Variants in WDPCP observed in about 807,000 individuals in gnomAD.
WDPCP encodes WD repeat containing planar cell polarity effector.
A neutral mutation model predicts 93.1 loss-of-function variants in WDPCP; 71 were observed. The observed-to-expected ratio is 0.76, with a 90% CI of 0.63 to 0.93. The LOEUF (loss-of-function observed/expected upper bound fraction) is 0.93, where lower values mean the gene tolerates loss of function less well. Ranked by LOEUF, WDPCP falls within the 40% of genes least tolerant of loss-of-function variation. WDPCP has a pLI of 0.00. For synonymous variants in WDPCP, 315 were observed against 315.0 expected (o/e 1.00, Z 0.00); for missense variants, 844 against 887.4 (o/e 0.95, Z 0.62).
At chr2:63,188,673 T>G (rs1674816751) in intron 14 of WDPCP, among the ~76,000 whole-genome samples, 1 of 152,102 alleles carries the variant, frequency 6.6e-6, no homozygotes, top group African/African-American at 2.4e-5. Context: ...GTTGATATTC[T>G]TATTTTGTTC....
intron 2 of WDPCP, among the ~76,000 whole-genome samples, chr2:63,779,572 C>A (rs1670357275): frequency 6.6e-6 from 1 of 152,096 alleles, no homozygotes; most frequent in Admixed American, 6.6e-5. Context: ...GCTGTTCAAC[C>A]CTCTTTGGTG....
intron 2 of WDPCP, among the ~76,000 whole-genome samples, chr2:63,735,079 A>G (rs78015973): frequency 4.6e-4 from 70 of 152,342 alleles, no homozygotes; most frequent in Non-Finnish European, 8.4e-4. Flanking sequence ...TGTGCCAGGT[A>G]TCTTGAGGGC....
At position 63,496,460 on chromosome 2, in the gene WDPCP, C is replaced by A. The variant is rs904043634; in HGVS notation, c.76-3520G>T. ...CTAAGTTTGAAAGTCCTAAATTAAT[C>A]AAAAATTACAGTGTTTCAAGGAGAA... On this transcript the variant is annotated intron_variant, in intron 1 of 17. Transcript: ENST00000272321. 5.3e-5 allele frequency among the ~76,000 whole-genome samples: 8 copies of A among 152,114 alleles called. No individual in the cohort carries two copies. In the East Asian group the frequency reaches 7.7e-4, roughly 15 times the overall value.
intron 3 of WDPCP, among the ~76,000 whole-genome samples, chr2:63,606,522 C>A (rs1709532990): frequency 6.6e-6 from 1 of 152,182 alleles, no homozygotes; most frequent in Non-Finnish European, 1.5e-5. Context: ...AAGGAAGATT[C>A]AGCTCTTCCC....
intron 1 of WDPCP, among the ~76,000 whole-genome samples, chr2:63,534,414 GAAT>G (rs1489328664): frequency 5.5e-4 from 4 of 7,296 alleles, no homozygotes; most frequent in Admixed American, 2.0e-3. Context: ...CAAAAAAAGA[GAAT>G]TTTAGATCAA....
intron 17 of WDPCP, among the ~76,000 whole-genome samples, chr2:63,141,945 A>G (rs1199437903): frequency 6.6e-6 from 1 of 152,098 alleles, no homozygotes; most frequent in African/African-American, 2.4e-5. Flanking sequence ...GTAGACTTGA[A>G]TGATCTTTTG....
At chr2:63,273,714 T>G (rs1277771350) in intron 13 of WDPCP, among the ~76,000 whole-genome samples, 1 of 151,700 alleles carries the variant, frequency 6.6e-6, no homozygotes, top group Non-Finnish European at 1.5e-5. Context: ...AATAAAAAAC[T>G]AAAAAGAGAC....
At chr2:63,340,312 C>A (rs1324737437) in intron 12 of WDPCP, among the ~76,000 whole-genome samples, 1 of 152,106 alleles carries the variant, frequency 6.6e-6, no homozygotes, top group African/African-American at 2.4e-5. Flanking sequence ...TGAAGGCTGG[C>A]AAGGAGTTCC....
intron 2 of WDPCP, among the ~76,000 whole-genome samples, chr2:63,801,842 G>A (rs893961646): frequency 4.6e-5 from 7 of 152,152 alleles, no homozygotes; most frequent in Admixed American, 2.0e-4. Context: ...CAAAGCAAGC[G>A]ATCCAAGAGA....
chr2:63,831,077 T>A (rs903770252), upstream of WDPCP, among the ~76,000 whole-genome samples: 8 of 152,270 alleles, frequency 5.3e-5, no homozygotes, highest in East Asian at 1.5e-3. Flanking sequence ...TGGTTAACTG[T>A]TCCCCTTGAC....
At chr2:63,642,096 T>G (rs895237922) in intron 3 of WDPCP, among the ~76,000 whole-genome samples, 1 of 152,150 alleles carries the variant, frequency 6.6e-6, no homozygotes, top group South Asian at 2.1e-4. Context: ...TGAGTTCATA[T>G]GGGGATTTGT....
intron 9 of WDPCP, among the ~76,000 whole-genome samples, chr2:63,405,532 A>AGTGTGCGTGTGT (rs1318629602): frequency 8.0e-6 from 1 of 124,928 alleles, no homozygotes; most frequent in African/African-American, 3.2e-5. Context: ...ATTTTGGTAT[A>AGTGTGCGTGTGT]GTGTGTGTGT....
intron 2 of WDPCP, among the ~76,000 whole-genome samples, chr2:63,722,771 C>T (rs1332265750): frequency 6.6e-6 from 1 of 152,050 alleles, no homozygotes; most frequent in South Asian, 2.1e-4. Context: ...CCAGCCGCCC[C>T]GTCTGGGAGG....
At chr2:63,321,933 A>G (rs1032470061) in intron 12 of WDPCP, among the ~76,000 whole-genome samples, 2 of 152,246 alleles carry the variant, frequency 1.3e-5, no homozygotes, top group East Asian at 1.9e-4. Flanking sequence ...TATTGACACA[A>G]AAAAAGCTGT....
At chr2:63,627,752 C>T (rs1238115296) in intron 3 of WDPCP, among the ~76,000 whole-genome samples, 1 of 152,188 alleles carries the variant, frequency 6.6e-6, no homozygotes, top group African/African-American at 2.4e-5. Context: ...AGCTGAGCAC[C>T]ACTTCCATCG....
chr2:63,523,834 C>T (rs1324122675), intron 1 of WDPCP, among the ~76,000 whole-genome samples: 1 of 152,142 alleles, frequency 6.6e-6, no homozygotes, highest in Non-Finnish European at 1.5e-5. Flanking sequence ...TTGCTTGAAC[C>T]CAGGAGGTGG....
chr2:63,540,412 A>G (rs1704618149), intron 1 of WDPCP, among the ~76,000 whole-genome samples: 1 of 152,198 alleles, frequency 6.6e-6, no homozygotes, highest in South Asian at 2.1e-4. Context: ...GCTTGTTGGT[A>G]TAAAGACCTC....
upstream of WDPCP, chr2:63,589,342 C>T (rs1190518663): frequency 6.4e-7 from 1 of 1,550,648 alleles, no homozygotes; most frequent in Admixed American, 2.0e-5. Context: ...GACGCTGCAG[C>T]TATTTTCCAA....
intron 14 of WDPCP, among the ~76,000 whole-genome samples, chr2:63,225,198 A>T (rs1470171475): frequency 6.6e-6 from 1 of 152,122 alleles, no homozygotes; most frequent in East Asian, 1.9e-4. Context: ...GAACTCTTGG[A>T]AAGTGTAAGA....
Sources: allele counts gnomAD v4.1 joint callset (sites outside exome capture counted in the v4.1 genomes callset), GRCh38; gene constraint gnomAD v4.1.1; transcripts MANE v1.5; gene names NCBI Gene and HGNC (gene_info 2026-07-23, HGNC 2026-07-21).